The following DGKI variants were observed in gnomAD, a reference collection of about 807,000 sequenced individuals.
The protein encoded by DGKI is DAG kinase iota.
In DGKI, 55 loss-of-function variants were observed where a neutral mutation model predicts 147.5. The observed-to-expected ratio is 0.37, with a 90% CI of 0.30 to 0.47. The LOEUF (loss-of-function observed/expected upper bound fraction) is 0.47, where lower values mean the gene tolerates loss of function less well. Among genes scored for constraint, DGKI ranks in the 20% least tolerant of loss-of-function variants. DGKI has a pLI of 1.00. For missense variants in DGKI, 1,007 were observed against 1,323.8 expected (o/e 0.76, Z 3.71); for synonymous variants, 469 against 477.1 (o/e 0.98, Z 0.22).
chr7:137,755,541 G>T (rs1795652129), intron 1 of DGKI, among the ~76,000 whole-genome samples: 1 of 152,172 alleles, frequency 6.6e-6, no homozygotes, highest in South Asian at 2.1e-4. Flanking sequence ...AAATCGACCT[G>T]AATGCTCTTA....
intron 1 of DGKI, among the ~76,000 whole-genome samples, chr7:137,781,490 C>G (rs529426282): frequency 1.3e-5 from 2 of 152,286 alleles, no homozygotes; most frequent in African/African-American, 4.8e-5. Context: ...TCCTCCTCCT[C>G]TCTCTCAACC....
At chr7:137,791,191 C>G (rs1183649390) in intron 1 of DGKI, among the ~76,000 whole-genome samples, 1 of 152,138 alleles carries the variant, frequency 6.6e-6, no homozygotes, top group East Asian at 1.9e-4. Context: ...CTCTTTCCTT[C>G]TTATCCACTC....
intron 1 of DGKI, among the ~76,000 whole-genome samples, chr7:137,828,311 T>C (rs1798119736): frequency 6.6e-6 from 1 of 152,264 alleles, no homozygotes; most frequent in South Asian, 2.1e-4. Context: ...AAATAGTGTT[T>C]TGCACATATA....
chr7:137,508,160 T>G (rs971456252), intron 21 of DGKI, among the ~76,000 whole-genome samples: 1 of 151,694 alleles, frequency 6.6e-6, no homozygotes, highest in South Asian at 2.1e-4. Flanking sequence ...GTTCCAGATG[T>G]ATACTGACCA....
chr7:137,413,525 A>G (rs1181233321), intron 28 of DGKI, among the ~76,000 whole-genome samples: 1 of 152,184 alleles, frequency 6.6e-6, no homozygotes, highest in Non-Finnish European at 1.5e-5. Flanking sequence ...ACAAGTAAGA[A>G]GATGCAATAT....
At chr7:137,525,848 G>A (rs1029207767) in intron 20 of DGKI, among the ~76,000 whole-genome samples, 6 of 152,118 alleles carry the variant, frequency 3.9e-5, no homozygotes, top group Non-Finnish European at 5.9e-5. Context: ...AGCACATGAA[G>A]GAACCTCCCT....
chr7:137,752,693 C>T (rs184789803), intron 1 of DGKI, among the ~76,000 whole-genome samples: 1 of 152,152 alleles, frequency 6.6e-6, no homozygotes, highest in Non-Finnish European at 1.5e-5. Context: ...CCCCTGCTTG[C>T]TCAATCGATC....
chr7:137,727,797 A>C (rs1489609273), intron 1 of DGKI, among the ~76,000 whole-genome samples: 1 of 152,192 alleles, frequency 6.6e-6, no homozygotes, highest in Non-Finnish European at 1.5e-5. Flanking sequence ...GCAGAAGCTT[A>C]AAACAGACCA....
At chr7:137,830,929 C>T (rs189361581) in intron 1 of DGKI, among the ~76,000 whole-genome samples, 31 of 152,230 alleles carry the variant, frequency 2.0e-4, no homozygotes, top group African/African-American at 7.5e-4. Flanking sequence ...TAAATTATTT[C>T]CCCTGTGTGA....
chr7:137,509,464 G>A (rs1006390778), intron 21 of DGKI, among the ~76,000 whole-genome samples: 2 of 152,166 alleles, frequency 1.3e-5, no homozygotes, highest in African/African-American at 4.8e-5. Flanking sequence ...TGGGAAGAGG[G>A]AAAAGGAGCA....
intron 2 of DGKI, 83 bp from the exon 3 acceptor site, chr7:137,678,735 A>T (rs1263399494): frequency 1.6e-6 from 2 of 1,276,864 alleles, no homozygotes; most frequent in South Asian, 2.4e-5. Context: ...TTGGGATACA[A>T]GAAAGTTAGT....
At chr7:137,772,480 AC>A (rs1216564003) in intron 1 of DGKI, among the ~76,000 whole-genome samples, 2 of 152,166 alleles carry the variant, frequency 1.3e-5, no homozygotes, top group East Asian at 3.9e-4. Context: ...TATCAAAAAA[AC>A]ATTAAAGTAA....
chr7:137,637,562 G>A (rs751156427), intron 6 of DGKI, among the ~76,000 whole-genome samples: 1 of 152,162 alleles, frequency 6.6e-6, no homozygotes, highest in East Asian at 1.9e-4. Context: ...CAACTTGAAG[G>A]TACTTTTAGA....
At chr7:137,803,966 G>T (rs1797288553) in intron 1 of DGKI, among the ~76,000 whole-genome samples, 1 of 152,190 alleles carries the variant, frequency 6.6e-6, no homozygotes, top group Admixed American at 6.5e-5. Context: ...TAACAAGCAT[G>T]CCCACTTTGC....
chr7:137,808,152 G>A (rs1797440141), intron 1 of DGKI, among the ~76,000 whole-genome samples: 1 of 152,130 alleles, frequency 6.6e-6, no homozygotes. Flanking sequence ...CAACGTAGTA[G>A]ATAATCTCCA....
chr7:137,703,049 G>A (rs1474681780), intron 1 of DGKI, among the ~76,000 whole-genome samples: 3 of 152,112 alleles, frequency 2.0e-5, no homozygotes, highest in African/African-American at 7.2e-5. Context: ...TTCTCACACT[G>A]CTATAAAGAA....
Position 137,383,216 on chromosome 7 carries a change from CAATTGGCAAA to C in DGKI, c.*7994_*8003del, listed in dbSNP as rs1415389111. 2 of 150,180 alleles carry C rather than the reference CAATTGGCAAA, an allele frequency of 1.3e-5. No individual in the cohort carries two copies. Among genetic ancestry groups the C allele is most frequent in the Non-Finnish European group, 3.0e-5 (2 of 67,582 alleles). The allele number at this position is 150,180 out of a possible 1,614,324, so 9.3% of individuals were successfully genotyped here. ...TTTAGGAGATTTGGGAATTGGCTAA[CAATTGGCAAA>C]ATTGCTAGCCAATTTCCAAATCTCC... On this transcript the variant is annotated 3_prime_UTR_variant, in exon 33 of 33. Transcript: ENST00000614521.
intron 19 of DGKI, among the ~76,000 whole-genome samples, chr7:137,557,352 T>TA (rs1255026556): frequency 6.6e-6 from 1 of 152,072 alleles, no homozygotes; most frequent in Non-Finnish European, 1.5e-5. Context: ...ATATAATACT[T>TA]AAAGATGCAG....
intron 20 of DGKI, among the ~76,000 whole-genome samples, chr7:137,532,126 A>C (rs991010613): frequency 2.6e-5 from 4 of 152,228 alleles, no homozygotes; most frequent in African/African-American, 9.6e-5. Context: ...AAGTGAAAAC[A>C]GATATTGCTA....
Sources: gnomAD v4.1 joint callset for allele counts (sites outside exome capture counted in the v4.1 genomes callset) on GRCh38, gnomAD v4.1.1 for gene constraint, MANE v1.5 for transcripts, NCBI Gene and HGNC (gene_info 2026-07-23, HGNC 2026-07-21) for gene names.